The following CADM2 variants were observed in gnomAD, a reference collection of about 807,000 sequenced individuals.
CADM2 encodes immunoglobulin superfamily member 4D.
In CADM2, 12 loss-of-function variants were observed where a neutral mutation model predicts 49.8. The observed-to-expected ratio is 0.24, with a 90% CI of 0.15 to 0.39. The LOEUF (loss-of-function observed/expected upper bound fraction) is 0.39. Ranked by LOEUF, CADM2 falls within the 10% of genes least tolerant of loss-of-function variation. The probability of loss-of-function intolerance (pLI) is 1.00; values close to 1 mark genes in which losing one functional copy is unlikely to be tolerated. For missense variants in CADM2, 378 were observed against 492.3 expected, an observed-to-expected ratio of 0.77 and a Z score of 2.20; for synonymous variants, 214 against 175.4, an observed-to-expected ratio of 1.22 and a Z score of -1.74.
intron 7 of CADM2, among the ~76,000 whole-genome samples, chr3:85,960,792 T>C (rs1724716121): frequency 6.6e-6 from 1 of 151,560 alleles, no homozygotes; most frequent in Non-Finnish European, 1.5e-5. Flanking sequence ...TAAAAACCTC[T>C]AAAAGAATGA....
At chr3:85,145,410 CT>C (rs903734769) in intron 1 of CADM2, among the ~76,000 whole-genome samples, 20 of 152,014 alleles carry the variant, frequency 1.3e-4, no homozygotes, top group African/African-American at 4.6e-4. Flanking sequence ...ATAAGGATGA[CT>C]TTTTTTCCCA....
At chr3:85,788,034 G>A (rs1291507209) in intron 2 of CADM2, among the ~76,000 whole-genome samples, 3 of 151,912 alleles carry the variant, frequency 2.0e-5, no homozygotes, top group Non-Finnish European at 2.9e-5. Flanking sequence ...ACTGTTTCTC[G>A]CCATTTAACT....
intron 1 of CADM2, among the ~76,000 whole-genome samples, chr3:85,281,064 A>G (rs1021463412): frequency 2.6e-5 from 4 of 151,918 alleles, no homozygotes; most frequent in African/African-American, 9.7e-5. Context: ...AATTAATATA[A>G]CCATTCAGGA....
At chr3:85,331,887 T>C (rs1291157419) in intron 1 of CADM2, among the ~76,000 whole-genome samples, 1 of 152,124 alleles carries the variant, frequency 6.6e-6, no homozygotes, top group Admixed American at 6.5e-5. Flanking sequence ...AACCCAGTTA[T>C]CATTACAATT....
At chr3:85,095,894 A>G (rs2107532659) in intron 1 of CADM2, among the ~76,000 whole-genome samples, 1 of 152,160 alleles carries the variant, frequency 6.6e-6, no homozygotes, top group South Asian at 2.1e-4. Flanking sequence ...ACAGTCATTT[A>G]AAGTCTCAGC....
intron 8 of CADM2, among the ~76,000 whole-genome samples, chr3:86,016,066 C>A (rs1189508283): frequency 7.0e-6 from 1 of 143,372 alleles, no homozygotes; most frequent in Non-Finnish European, 1.5e-5. Flanking sequence ...TCATTTTATT[C>A]ACTAAAGGAA....
intron 8 of CADM2, among the ~76,000 whole-genome samples, chr3:85,964,834 G>A (rs80150623): frequency 6.6e-6 from 1 of 151,790 alleles, no homozygotes; most frequent in East Asian, 2.0e-4. Flanking sequence ...TAATTCCTCT[G>A]AGCACAGTAG....
chr3:85,109,799 T>C (rs1313963056), intron 1 of CADM2, among the ~76,000 whole-genome samples: 1 of 152,028 alleles, frequency 6.6e-6, no homozygotes, highest in Admixed American at 6.6e-5. Flanking sequence ...ATATATTGGT[T>C]CACCATGTAT....
intron 1 of CADM2, among the ~76,000 whole-genome samples, chr3:85,288,791 C>G (rs901625069): frequency 1.5e-5 from 2 of 133,950 alleles, no homozygotes; most frequent in Non-Finnish European, 3.3e-5. Context: ...TATGCCCCCC[C>G]CCCCTCTTTT....
chr3:85,140,410 T>G (rs2039542799), intron 1 of CADM2, among the ~76,000 whole-genome samples: 1 of 152,106 alleles, frequency 6.6e-6, no homozygotes, highest in Non-Finnish European at 1.5e-5. Flanking sequence ...ATAAGGAAAG[T>G]GGAAATGGAC....
intron 1 of CADM2, among the ~76,000 whole-genome samples, chr3:85,465,736 T>C (rs1278656658): frequency 6.6e-6 from 1 of 152,054 alleles, no homozygotes; most frequent in Non-Finnish European, 1.5e-5. Context: ...ATGCTTCTTA[T>C]TGCCAATCAT....
At chr3:85,246,969 A>G (rs972897645) in intron 1 of CADM2, among the ~76,000 whole-genome samples, 1 of 151,550 alleles carries the variant, frequency 6.6e-6, no homozygotes, top group African/African-American at 2.4e-5. Flanking sequence ...ATATAATTTA[A>G]CTTACATTTT....
At chr3:85,356,342 A>G (rs920125726) in intron 1 of CADM2, among the ~76,000 whole-genome samples, 1 of 152,084 alleles carries the variant, frequency 6.6e-6, no homozygotes, top group Admixed American at 6.6e-5. Flanking sequence ...GTTGCAGAGA[A>G]GGAAGAGCTG....
intron 8 of CADM2, among the ~76,000 whole-genome samples, chr3:85,965,264 A>T (rs1725331287): frequency 6.7e-6 from 1 of 148,268 alleles, no homozygotes; most frequent in African/African-American, 2.4e-5. Flanking sequence ...ATTTATAAAT[A>T]TTATAAATAT....
intron 1 of CADM2, among the ~76,000 whole-genome samples, chr3:85,396,161 T>C (rs1033066661): frequency 6.6e-6 from 1 of 151,688 alleles, no homozygotes; most frequent in Admixed American, 6.6e-5. Context: ...TTGTGTGTAA[T>C]TGGAGATTTT....
intron 1 of CADM2, among the ~76,000 whole-genome samples, chr3:85,716,902 T>G (rs1008715673): frequency 1.3e-5 from 2 of 152,208 alleles, no homozygotes; most frequent in African/African-American, 4.8e-5. Context: ...ACTGTAGACT[T>G]GTAGCACAGT....
intron 1 of CADM2, among the ~76,000 whole-genome samples, chr3:85,060,176 G>A (rs1404657297): frequency 6.6e-6 from 1 of 152,038 alleles, no homozygotes; most frequent in African/African-American, 2.4e-5. Flanking sequence ...TGTCGCCCAG[G>A]CTGGAGTGCA....
At chr3:85,144,320 C>T (rs534946388) in intron 1 of CADM2, among the ~76,000 whole-genome samples, 2 of 151,262 alleles carry the variant, frequency 1.3e-5, no homozygotes, top group South Asian at 2.1e-4. Flanking sequence ...ATCATAAGAA[C>T]AAGATTTGTG....
At chr3:84,984,603 GA>G (rs537715116) in intron 1 of CADM2, among the ~76,000 whole-genome samples, 2,169 of 130,664 alleles carry the variant, frequency 0.017, 57 homozygotes, top group African/African-American at 0.053. Flanking sequence ...CTTAAAAAAA[GA>G]AAAAAAAAAA....
Sources: allele counts gnomAD v4.1 joint callset (sites outside exome capture counted in the v4.1 genomes callset), GRCh38; gene constraint gnomAD v4.1.1; transcripts MANE v1.5; gene names NCBI Gene and HGNC (gene_info 2026-07-23, HGNC 2026-07-21).